TCF20: variants seen among roughly 807,000 people sequenced by gnomAD.
TCF20 encodes transcription factor 20.
Under a neutral mutation model 148.6 loss-of-function variants are expected in TCF20, and 3 were observed. That is an observed-to-expected ratio of 0.02 (90% confidence interval 0.01 to 0.05). TCF20 has a LOEUF of 0.05. Among genes scored for constraint, TCF20 ranks in the 10% least tolerant of loss-of-function variants. The pLI is 1.00. For synonymous variants in TCF20, 1,049 were observed against 909.5 expected (o/e 1.15, Z -2.76); for missense variants, 2,350 against 2,429.3 (o/e 0.97, Z 0.69).
chr22:42,193,307 T>G (rs920799406), intron 2 of TCF20, among the ~76,000 whole-genome samples: 7 of 150,334 alleles, frequency 4.7e-5, no homozygotes, highest in Admixed American at 4.6e-4. Flanking sequence ...TTTTTTGAGA[T>G]AGGGTCTCGC....
chr22:42,174,181 T>C (rs959236359), intron 3 of TCF20, among the ~76,000 whole-genome samples: 9 of 152,078 alleles, frequency 5.9e-5, no homozygotes, highest in African/African-American at 2.2e-4. Flanking sequence ...AAGCCTGTGC[T>C]GTTCAGCCAC....
intron 1 of TCF20, among the ~76,000 whole-genome samples, chr22:42,283,511 T>A (rs1449020262): frequency 6.6e-6 from 1 of 151,716 alleles, no homozygotes; most frequent in African/African-American, 2.4e-5. Flanking sequence ...AGCAGCCCCC[T>A]CGGGCCCCTC....
At chr22:42,308,748 G>C (rs760494580) in intron 1 of TCF20, among the ~76,000 whole-genome samples, 40 of 152,150 alleles carry the variant, frequency 2.6e-4, no homozygotes, top group Admixed American at 5.9e-4. Flanking sequence ...GTGAGGACAG[G>C]GGAGGGAGAT....
intron 1 of TCF20, among the ~76,000 whole-genome samples, chr22:42,236,473 A>G (rs562632920): frequency 8.5e-5 from 13 of 152,252 alleles, no homozygotes; most frequent in Admixed American, 2.0e-4. Context: ...GGCAAGAACT[A>G]CAAGCCACAG....
At chr22:42,205,762 A>C (rs1166183309) in intron 2 of TCF20, among the ~76,000 whole-genome samples, 2 of 152,112 alleles carry the variant, frequency 1.3e-5, no homozygotes, top group Non-Finnish European at 2.9e-5. Context: ...AAGAGACAAC[A>C]AGCCTAACTT....
At chr22:42,307,131 C>T (rs1453071182) in intron 1 of TCF20, among the ~76,000 whole-genome samples, 2 of 151,882 alleles carry the variant, frequency 1.3e-5, no homozygotes, top group East Asian at 1.9e-4. Flanking sequence ...TGGGCTCTGA[C>T]GACAGCATGG....
chr22:42,238,745 A>C (rs142669143), intron 1 of TCF20, among the ~76,000 whole-genome samples: 110 of 152,378 alleles, frequency 7.2e-4, no homozygotes, highest in African/African-American at 2.6e-3. Flanking sequence ...CAGTCTGAAC[A>C]CACATCTATA....
chr22:42,201,266 C>T (rs547627663), intron 2 of TCF20, among the ~76,000 whole-genome samples: 14 of 152,318 alleles, frequency 9.2e-5, no homozygotes, highest in Non-Finnish European at 1.5e-4. Context: ...TTTCTTCATA[C>T]ATCACCCAGC....
At chr22:42,331,229 C>T (rs1036175280) in intron 1 of TCF20, among the ~76,000 whole-genome samples, 6 of 152,224 alleles carry the variant, frequency 3.9e-5, no homozygotes, top group Non-Finnish European at 5.9e-5. Flanking sequence ...GACACCCGCC[C>T]GCCTGGCTGA....
chr22:42,284,834 C>T (rs1166383792), upstream of TCF20, among the ~76,000 whole-genome samples: 6 of 152,220 alleles, frequency 3.9e-5, no homozygotes, highest in African/African-American at 1.4e-4. Context: ...CCCTTCCTAC[C>T]CCATGGCAAT....
At chr22:42,309,448 C>T (rs1228308390) in intron 1 of TCF20, among the ~76,000 whole-genome samples, 2 of 152,006 alleles carry the variant, frequency 1.3e-5, no homozygotes, top group African/African-American at 4.8e-5. Flanking sequence ...CCAGCTTGGG[C>T]CTCCGCGCTC....
At chr22:42,310,504 C>T (rs1448798359) in intron 1 of TCF20, among the ~76,000 whole-genome samples, 1 of 151,914 alleles carries the variant, frequency 6.6e-6, no homozygotes, top group Non-Finnish European at 1.5e-5. Flanking sequence ...CAGGGGGGCG[C>T]GTGGGCTCAG....
At chr22:42,295,106 G>A (rs1261900976) in intron 1 of TCF20, among the ~76,000 whole-genome samples, 7 of 152,182 alleles carry the variant, frequency 4.6e-5, no homozygotes, top group Non-Finnish European at 1.0e-4. Context: ...ATGACAGCGT[G>A]GGGGGCAGGG....
chr22:42,332,163 G>C (rs993581462), intron 1 of TCF20, among the ~76,000 whole-genome samples: 7 of 152,202 alleles, frequency 4.6e-5, no homozygotes, highest in Non-Finnish European at 1.0e-4. Flanking sequence ...TGGGCACTAC[G>C]AACTAGCCTG....
intron 1 of TCF20, among the ~76,000 whole-genome samples, chr22:42,327,536 G>A (rs74654894): frequency 1.7e-3 from 255 of 152,174 alleles, no homozygotes; most frequent in African/African-American, 5.7e-3. Context: ...CGGAAGCTTC[G>A]GGCCAGGGCA....
At chr22:42,203,067 T>C (rs1938146754) in intron 2 of TCF20, among the ~76,000 whole-genome samples, 1 of 152,240 alleles carries the variant, frequency 6.6e-6, no homozygotes, top group Non-Finnish European at 1.5e-5. Context: ...CAGGGATGAG[T>C]AATTAACATA....
chr22:42,314,637 C>T (rs551131213), intron 1 of TCF20, among the ~76,000 whole-genome samples: 3 of 152,338 alleles, frequency 2.0e-5, no homozygotes, highest in Non-Finnish European at 4.4e-5. Context: ...GCCCGCCTCT[C>T]CCAGGGAGAA....
At chr22:42,163,394 C>T (rs1460407966) in intron 5 of TCF20, among the ~76,000 whole-genome samples, 1 of 152,226 alleles carries the variant, frequency 6.6e-6, no homozygotes, top group Non-Finnish European at 1.5e-5. Context: ...AGCCCAAACA[C>T]ACGATATCCT....
intron 2 of TCF20, among the ~76,000 whole-genome samples, chr22:42,196,547 C>G (rs769305444): frequency 6.6e-6 from 1 of 152,286 alleles, no homozygotes; most frequent in East Asian, 1.9e-4. Context: ...ATCCTAGCAA[C>G]CAGCTTTGTA....
Sources: allele counts gnomAD v4.1 joint callset (sites outside exome capture counted in the v4.1 genomes callset), GRCh38; gene constraint gnomAD v4.1.1; transcripts MANE v1.5; gene names NCBI Gene and HGNC (gene_info 2026-07-23, HGNC 2026-07-21).